ERCC6: variants seen among roughly 807,000 people sequenced by gnomAD.
ERCC6 encodes DNA excision repair protein ERCC-6.
A neutral mutation model predicts 158.7 loss-of-function variants in ERCC6; 116 were observed. The ratio of observed to expected loss-of-function variants is 0.73; its 90% CI spans 0.63 to 0.85. The LOEUF is 0.85. Ranked by LOEUF, ERCC6 falls within the 40% of genes least tolerant of loss-of-function variation. ERCC6 has a pLI of 0.00. For synonymous variants in ERCC6, 678 were observed against 659.3 expected (o/e 1.03, Z -0.43); for missense variants, 1,698 against 1,799.4 (o/e 0.94, Z 1.02).
chr10:49,452,255 A>AC (rs774129936), downstream of ERCC6, among the ~76,000 whole-genome samples: 20 of 151,948 alleles, frequency 1.3e-4, no homozygotes, highest in Non-Finnish European at 2.4e-4. Flanking sequence ...TCCTCTAAGC[A>AC]CTTTTTTAGC....
At chr10:49,476,138 G>A in intron 12 of ERCC6, 77 bp downstream of exon 12, 1 of 1,016,240 alleles carries the variant, frequency 9.8e-7, no homozygotes, top group South Asian at 1.3e-5. Context: ...CTGGCACAAT[G>A]TAGATCCTAG....
intron 12 of ERCC6, chr10:49,475,301 A>ATATCT (rs1850856900): frequency 2.8e-6 from 1 of 355,992 alleles, no homozygotes; most frequent in Non-Finnish European, 5.6e-6. Flanking sequence ...TATATGAAAT[A>ATATCT]AAATATATAT....
In ERCC6 at chr10:49,456,324, A is replaced by G. The variant is rs996887237; in HGVS notation, c.*2491T>C. 3 of 152,270 alleles carry G rather than the reference A, an allele frequency of 2.0e-5. No individual in the cohort carries two copies. The highest frequency in any genetic ancestry group is 6.5e-5 in the Admixed American group (1 of 15,284). 9.4% of individuals were successfully genotyped at this position (152,270 alleles called of 1,614,324 possible). A position where few individuals can be genotyped will look rare whatever the true frequency, so the allele number is the denominator to read the frequency against. On this transcript the variant is annotated 3_prime_UTR_variant, in exon 21 of 21. Coordinates refer to ENST00000355832, the MANE Select transcript of ERCC6 (RefSeq NM_000124.4). ...CCAGCAAGAAAGGGGAATGTCAAGG[A>G]GAGTGCATACCCTGCTTCTTTAAAG...
chr10:49,534,151 A>C lies in ERCC6; in HGVS notation c.-14-1173T>G, dbSNP rs867889909. ...TCAATCTCAAAAAAAAAAAAAAAAA[A>C]AAACAAAAAAAAAACTCCATTTTAA... On this transcript the variant is annotated intron_variant, in intron 1 of 20. Transcript: ENST00000355832. Among the ~76,000 whole-genome samples, 352 of 151,198 alleles carry C rather than the reference A, an allele frequency of 2.3e-3. 2 individuals are homozygous for C. Among genetic ancestry groups the C allele is most frequent in the African/African-American group, 8.1e-3 (332 of 41,232 alleles).
At chr10:49,504,033 A>G (rs1175387884) in intron 6 of ERCC6, 3 of 152,232 alleles carry the variant, frequency 2.0e-5, no homozygotes, top group Admixed American at 6.5e-5. Context: ...GTTAAACACT[A>G]TCTTGCAGAA....
the ERCC6 span, among the ~76,000 whole-genome samples, chr10:49,441,655 T>C: frequency 6.6e-6 from 1 of 152,140 alleles, no homozygotes; most frequent in Non-Finnish European, 1.5e-5. Flanking sequence ...CTGTATTTCC[T>C]GTCTGTGGGT....
chr10:49,537,825 C>A (rs1837638897), intron 1 of ERCC6, among the ~76,000 whole-genome samples: 1 of 152,112 alleles, frequency 6.6e-6, no homozygotes, highest in Non-Finnish European at 1.5e-5. Flanking sequence ...CGGGTTCAAG[C>A]GATTCTCCTG....
At position 49,531,814 on chromosome 10, in the gene ERCC6, G is replaced by A. The variant is rs4253018; in HGVS notation, c.422+729C>T. Among the ~76,000 whole-genome samples the A allele has an allele frequency of 1.7e-3, 252 of 152,180 alleles. No homozygotes were observed. The Middle Eastern group carries it at 0.031, about 18-fold the overall frequency. On this transcript the variant is annotated intron_variant, in intron 2 of 20. Transcript: ENST00000355832. ...GTGACACTGCTCCATCCTCCATCCC[G>A]TTCAGCCCTCGCCTTCTTTCTTGCT...
intron 5 of ERCC6, among the ~76,000 whole-genome samples, chr10:49,523,541 AAAGG>A (rs1244575348): frequency 4.6e-5 from 7 of 152,376 alleles, no homozygotes; most frequent in Non-Finnish European, 8.8e-5. Flanking sequence ...TTCTCAAGAC[AAAGG>A]AAGGATTTAC....
Position 49,532,949 on chromosome 10 carries a change from T to A in ERCC6, c.16A>T (p.Ile6Phe). The A allele has an allele frequency of 6.2e-7, 1 of 1,614,230 alleles. No individual in the cohort carries two copies. The highest frequency in any genetic ancestry group is 8.5e-7 in the Non-Finnish European group (1 of 1,180,044). MPNEG[I>F]PHSSQTQEQD... ...TCCTGAGTTTGACTTGAGTGGGGGA[T>A]TCCCTCATTTGGCATTCTCTACAGA... The change falls in exon 2 of 21, where the codon ATC (isoleucine) becomes TTC (phenylalanine). Residue 6 changes from isoleucine to phenylalanine, a missense_variant. Physicochemically the swap from Ile to Phe is conservative, Grantham distance 21. Transcript: ENST00000355832.
intron 18 of ERCC6, among the ~76,000 whole-genome samples, chr10:49,462,268 A>C (rs1213456719): frequency 6.6e-6 from 1 of 152,180 alleles, no homozygotes; most frequent in African/African-American, 2.4e-5. Context: ...CACTGAGAAA[A>C]ACTTATTTGA....
At position 49,493,372 on chromosome 10, in the gene ERCC6, T is replaced by C. The variant is rs12572909; in HGVS notation, c.1686-120A>G. 173 of 1,213,394 alleles carry C rather than the reference T, an allele frequency of 1.4e-4. 1 individual carries two copies. The East Asian group carries it at 3.3e-3, about 23-fold the overall frequency. The allele number at this position is 1,213,394 out of a possible 1,614,324, so 75.2% of individuals were successfully genotyped here. On this transcript the variant is annotated intron_variant, in intron 7 of 20. Transcript: ENST00000355832. ...TAGTTCAAAAAAACAATGCTAACTA[T>C]GGAAATTTATTGATATTTTCTTTAA...
intron 8 of ERCC6, 84 bp downstream of exon 8, chr10:49,493,033 G>A: frequency 7.1e-7 from 1 of 1,398,872 alleles, no homozygotes; most frequent in Non-Finnish European, 1.0e-6. Context: ...ATACATTTGA[G>A]AAACACATGG....
At chr10:49,472,107 A>G (rs1850791456) in intron 16 of ERCC6, among the ~76,000 whole-genome samples, 1 of 152,226 alleles carries the variant, frequency 6.6e-6, no homozygotes, top group Non-Finnish European at 1.5e-5. Context: ...TTCCTTTCAA[A>G]TAACAATATG....
Position 49,460,403 on chromosome 10 carries a change from A to C in ERCC6, c.4032T>G (p.Pro1344=). The change falls in exon 20 of 21, where the codon CCT becomes CCG. Residue 1344 remains proline (P), a synonymous_variant. Coordinates refer to ENST00000355832, the MANE Select transcript of ERCC6 (RefSeq NM_000124.4). ...ACTTCTCTGTTGGAGATGTTGATGA[A>C]GGATGCTGCACAGAGAAGTTAGAAT... The part of the protein sequence containing the change: ...KRNSNFSVQH[P]SSTSPTEKCQ... 1.2e-6 allele frequency: 2 copies of C among 1,613,742 alleles called. No homozygotes were observed. Among genetic ancestry groups the C allele is most frequent in the Non-Finnish European group, 1.7e-6 (2 of 1,179,598 alleles).
chr10:49,517,553 T>C (rs1837018349), intron 5 of ERCC6, among the ~76,000 whole-genome samples: 1 of 152,180 alleles, frequency 6.6e-6, no homozygotes, highest in African/African-American at 2.4e-5. Flanking sequence ...ACACTAGGCA[T>C]AAATAGGTTT....
Position 49,490,905 on chromosome 10 carries a change from A to C in ERCC6, c.1821+2212T>G, listed in dbSNP as rs531895328. ...CCACTGTAAAAAGAAATCACAGCTG[A>C]TAAGGAAGTCAGGCATTAGACGCTG... is the stretch of plus-strand genomic sequence containing the variant. On this transcript the variant is annotated intron_variant, in intron 8 of 20. Coordinates refer to ENST00000355832, the MANE Select transcript of ERCC6 (RefSeq NM_000124.4). 1.9e-4 allele frequency among the ~76,000 whole-genome samples: 29 copies of C among 152,358 alleles called. 1 individual carries two copies. The South Asian group carries it at 5.4e-3, about 28-fold the overall frequency.
intron 1 of ERCC6, among the ~76,000 whole-genome samples, chr10:49,534,164 A>AAAAAAC (rs1564448026): frequency 6.6e-6 from 1 of 150,738 alleles, no homozygotes; most frequent in African/African-American, 2.5e-5. Flanking sequence ...ACAAAAAAAA[A>AAAAAAC]ACTCCATTTT....
chr10:49,461,615 T>A lies in ERCC6; in HGVS notation c.3779-59A>T. The A allele has an allele frequency of 2.0e-6, 3 of 1,524,876 alleles. No individual in the cohort carries two copies. The South Asian group carries it at 3.6e-5, about 18-fold the overall frequency. 94.5% of individuals were successfully genotyped at this position (1,524,876 alleles called of 1,614,324 possible). A position where few individuals can be genotyped will look rare whatever the true frequency, so the allele number is the denominator to read the frequency against. On this transcript the variant is annotated intron_variant, in intron 18 of 20. Transcript: ENST00000355832. ...ACTCTGTATGCAAGAAAGACACTTT[T>A]CTCCTCTGTATAAGTACAGTACTGT...
Sources: gnomAD v4.1 joint callset for allele counts (sites outside exome capture counted in the v4.1 genomes callset) on GRCh38, gnomAD v4.1.1 for gene constraint, MANE v1.5 for transcripts, NCBI Gene and HGNC (gene_info 2026-07-23, HGNC 2026-07-21) for gene names.